The following CYP46A1 variants were observed in gnomAD, a reference collection of about 807,000 sequenced individuals.
The protein encoded by CYP46A1 is cytochrome P450 family 46 subfamily A member 1, also known as cholesterol 24-hydroxylase.
In CYP46A1, 20 loss-of-function variants were observed where a neutral mutation model predicts 63.3. That is an observed-to-expected ratio of 0.32 (90% confidence interval 0.22 to 0.46). The LOEUF (loss-of-function observed/expected upper bound fraction) is 0.46. Among genes scored for constraint, CYP46A1 ranks in the 20% least tolerant of loss-of-function variants. The pLI, the probability that CYP46A1 is intolerant of heterozygous loss-of-function variation, is 1.00. For missense variants in CYP46A1, 445 were observed against 670.8 expected, an observed-to-expected ratio of 0.66 and a Z score of 3.72; for synonymous variants, 268 against 273.6, an observed-to-expected ratio of 0.98 and a Z score of 0.20.
Position 99,707,619 on chromosome 14 carries a change from T to C in CYP46A1, c.634T>C (p.Ser212Pro). 1 of 1,614,084 alleles carries C rather than the reference T, an allele frequency of 6.2e-7. No individual in the cohort carries two copies. Among genetic ancestry groups the C allele is most frequent in the Non-Finnish European group, 8.5e-7 (1 of 1,179,986 alleles). The change falls in exon 7 of 15, where the codon TCC becomes CCC. Residue 212 changes from serine (S) to proline (P), a missense_variant. Physicochemically the swap from Ser to Pro is moderately conservative, Grantham distance 74. This residue lies in a region of CYP46A1 where 252 missense variants were observed against 383.3 expected (regional missense o/e 0.66). Transcript: ENST00000261835. ...GCTGCTGGGTGCCCAGAAGCCTCTG[T>C]CCCAGGCAGTGAAACTTATGTTGGA... ...SMLLGAQKPL[S>P]QAVKLMLEGI...
rs369360881 is a variant in CYP46A1, at chr14:99,696,185, T to C, written c.283-3281T>C. 5.4e-4 allele frequency among the ~76,000 whole-genome samples: 83 copies of C among 152,316 alleles called. 3 individuals carry two copies. The South Asian group carries it at 0.014, about 27-fold the overall frequency. ...GTTTGTTTTCTATTTGTCCCATCTG[T>C]TTTTTGTTCCCTTTTCCTCCTTTCC... On this transcript the variant is annotated intron_variant, in intron 3 of 14. Coordinates refer to ENST00000261835, the MANE Select transcript of CYP46A1 (RefSeq NM_006668.2).
chr14:99,689,521 C>T (rs552056640), intron 1 of CYP46A1, among the ~76,000 whole-genome samples: 1 of 152,276 alleles, frequency 6.6e-6, no homozygotes, highest in South Asian at 2.1e-4. Context: ...GTGGGCAGAG[C>T]CAGAGACGGC....
At chr14:99,707,545 C>T in intron 6 of CYP46A1, 23 bp from the exon 7 acceptor site, 2 of 1,606,312 alleles carry the variant, frequency 1.2e-6, no homozygotes, top group Non-Finnish European at 8.5e-7. Flanking sequence ...CCAGGGATGA[C>T]CTTGCCCTTC....
At chr14:99,710,760 T>C (rs182749248) in intron 7 of CYP46A1, 2 of 152,284 alleles carry the variant, frequency 1.3e-5, no homozygotes, top group East Asian at 3.9e-4. Context: ...GGACAGATCA[T>C]CTAGACAGAA....
chr14:99,684,759 G>A (rs889938212), intron 1 of CYP46A1: 7 of 634,260 alleles, frequency 1.1e-5, no homozygotes, highest in Admixed American at 4.2e-5. Flanking sequence ...CCACAAACGT[G>A]ATGGCAGCCA....
In CYP46A1 at chr14:99,706,672, T is replaced by C. The variant is rs2056679150; in HGVS notation, c.469T>C (p.Phe157Leu). 1 of 1,613,850 alleles carries C rather than the reference T, an allele frequency of 6.2e-7. No individual in the cohort carries two copies. The highest frequency in any genetic ancestry group is 8.5e-7 in the Non-Finnish European group (1 of 1,180,016). ...CTCCTTGGTTAGCTTAATGGAAACA[T>C]TCAACGAGAAGGCTGAGCAGCTGGT... ...RSSLVSLMET[F>L]NEKAEQLVEI... Residue 157 changes from phenylalanine (F) to leucine (L), a missense_variant, in exon 6 of 15, where the codon TTC (phenylalanine) becomes CTC (leucine). Phe to Leu is a conservative substitution (Grantham distance 22). Transcript: ENST00000261835.
intron 11 of CYP46A1, 120 bp from the exon 12 acceptor site, chr14:99,721,836 G>A (rs1566836538): frequency 4.2e-6 from 3 of 712,468 alleles, no homozygotes; most frequent in African/African-American, 1.8e-5. Flanking sequence ...CCCAGGCCAG[G>A]GTGAGGGTAT....
chr14:99,694,299 T>C (rs891518637), intron 3 of CYP46A1, among the ~76,000 whole-genome samples: 2 of 81,314 alleles, frequency 2.5e-5, no homozygotes, highest in Non-Finnish European at 6.1e-5. Flanking sequence ...TTCTTTCTTT[T>C]TTTTTTTTTA....
chr14:99,686,105 A>G (rs533202160), intron 1 of CYP46A1, among the ~76,000 whole-genome samples: 1 of 152,328 alleles, frequency 6.6e-6, no homozygotes, highest in African/African-American at 2.4e-5. Flanking sequence ...AGCACATTGT[A>G]CATGCATAGT....
chr14:99,715,320 C>G (rs2056778121), intron 7 of CYP46A1, among the ~76,000 whole-genome samples: 1 of 152,142 alleles, frequency 6.6e-6, no homozygotes, highest in Admixed American at 6.5e-5. Context: ...TGCTGCAGCT[C>G]CACATATCAC....
rs557629963 is a variant in CYP46A1, at chr14:99,684,772, G to A, written c.119+236G>A. 15 of 616,228 alleles carry A rather than the reference G, an allele frequency of 2.4e-5. No homozygotes were observed. The East Asian group carries it at 2.7e-4, about 11-fold the overall frequency. The allele number at this position is 616,228 out of a possible 1,614,324, so 38.2% of individuals were successfully genotyped here. On this transcript the variant is annotated intron_variant, in intron 1 of 14. Coordinates refer to ENST00000261835, the MANE Select transcript of CYP46A1 (RefSeq NM_006668.2). ...CCCCACAAACGTGATGGCAGCCACA[G>A]CCCTTTCAGGTAGGCGCTATTGTTA...
chr14:99,726,566 A>C lies in CYP46A1; in HGVS notation c.1342A>C (p.Lys448Gln), dbSNP rs761087218. The C allele has an allele frequency of 1.9e-6, 3 of 1,586,596 alleles. No homozygotes were observed. The highest frequency in any genetic ancestry group is 2.6e-6 in the Non-Finnish European group (3 of 1,167,786). The change falls in exon 15 of 15, where the codon AAG becomes CAG. Residue 448 changes from lysine to glutamine, a missense_variant. By Grantham distance (53) the Lys-to-Gln change is moderately conservative. Coordinates refer to ENST00000261835, the MANE Select transcript of CYP46A1 (RefSeq NM_006668.2). Reference sequence around the variant, plus strand: ...TGCCCGCTGGGCCCAGATGGAGGTGAAGGTGGTCATGGCAAAGCTGCTGCA... The same window carrying C: ...TGCCCGCTGGGCCCAGATGGAGGTGCAGGTGGTCATGGCAAAGCTGCTGCA... Reference protein sequence around the residue: ...IGQQFAQMEVKVVMAKLLQRL... With the variant: ...IGQQFAQMEVQVVMAKLLQRL...
rs369437782 is a variant in CYP46A1 at position 99,695,971 on chromosome 14, C to CT, written c.283-3489dup. Among the ~76,000 whole-genome samples the CT allele has an allele frequency of 3.7e-3, 556 of 152,154 alleles. 2 individuals carry two copies. Among genetic ancestry groups the CT allele is most frequent in the Middle Eastern group, 0.02 (6 of 294 alleles). On this transcript the variant is annotated intron_variant, in intron 3 of 14. Coordinates refer to ENST00000261835, the MANE Select transcript of CYP46A1 (RefSeq NM_006668.2). ...TTATGCTTAGTGTTGCATGTTATAT[C>CT]TTTTTTCTGTTATATTACTTTTAAC...
chr14:99,706,439 G>T, intron 5 of CYP46A1: 1 of 580,508 alleles, frequency 1.7e-6, no homozygotes, highest in Non-Finnish European at 3.0e-6. Flanking sequence ...CATCCATCCT[G>T]AGTGGAGGAG....
Position 99,700,055 on chromosome 14 carries a change from C to T in CYP46A1, c.397C>T (p.Arg133Cys). ...QGLVSECNYE[R>C]WHKQRRVIDL... ...CTTGGTGTCCGAATGCAACTATGAGCGCTGGCACAAGCAGCGGAGAGTCAT... is the reference window on the plus strand; with the variant it reads ...CTTGGTGTCCGAATGCAACTATGAGTGCTGGCACAAGCAGCGGAGAGTCAT... The change falls in exon 5 of 15, where the codon CGC becomes TGC. Residue 133 changes from arginine to cysteine, a missense_variant. Around this residue, in one of 4 missense-constraint regions of CYP46A1, gnomAD observed 252 missense variants for 383.3 expected, o/e 0.66. Transcript: ENST00000261835. 1.2e-6 allele frequency: 2 copies of T among 1,604,388 alleles called. No homozygotes were observed. Among genetic ancestry groups the T allele is most frequent in the Non-Finnish European group, 1.7e-6 (2 of 1,174,638 alleles).
At chr14:99,715,981 G>A in intron 8 of CYP46A1, 21 bp downstream of exon 8, 1 of 1,288,162 alleles carries the variant, frequency 7.8e-7, no homozygotes, top group Non-Finnish European at 1.1e-6. Flanking sequence ...CCCCTCTGCG[G>A]ACTGGGGAGG....
chr14:99,718,930 C>T (rs865950440), intron 10 of CYP46A1, among the ~76,000 whole-genome samples: 15 of 152,040 alleles, frequency 9.9e-5, no homozygotes, highest in Admixed American at 7.9e-4. Context: ...GCACCCCACC[C>T]ACCCAGCGGC....
In CYP46A1 at chr14:99,699,998, G is replaced by A. The variant is rs535589558; in HGVS notation, c.357-17G>A. The stretch of plus-strand genomic sequence containing the variant: ...CCCCCCACCCTCTTTCCCGCATCAC[G>A]TGTGTGTCTCCTACAGACTCTTCGG... On this transcript the variant is annotated splice_polypyrimidine_tract_variant and intron_variant, in intron 4 of 14. Coordinates refer to ENST00000261835, the MANE Select transcript of CYP46A1 (RefSeq NM_006668.2). The A allele has an allele frequency of 1.8e-5, 27 of 1,468,090 alleles. No individual in the cohort carries two copies. The highest frequency in any genetic ancestry group is 7.6e-5 in the South Asian group (6 of 78,654). The allele number at this position is 1,468,090 out of a possible 1,614,324, so 90.9% of individuals were successfully genotyped here. A position where few individuals can be genotyped will look rare whatever the true frequency, so the allele number is the denominator to read the frequency against.
At position 99,725,556 on chromosome 14, in the gene CYP46A1, G is replaced by A. The variant is rs1197348901; in HGVS notation, c.1265+77G>A. 2.7e-5 allele frequency: 29 copies of A among 1,090,760 alleles called. No homozygotes were observed. The highest frequency in any genetic ancestry group is 8.9e-5 in the South Asian group (7 of 78,638). 67.6% of individuals were successfully genotyped at this position (1,090,760 alleles called of 1,614,324 possible). ...ACACAGCGGCCTCTGGTCTGAGCCA[G>A]AGGCACCCACTCAGCCCACATAGCC... On this transcript the variant is annotated intron_variant, in intron 13 of 14. Transcript: ENST00000261835. This position sits in a 1 kb window ranked among gnomAD's most constrained non-coding sequence, Gnocchi z 4.2.
Sources: allele counts gnomAD v4.1 joint callset (sites outside exome capture counted in the v4.1 genomes callset), GRCh38; gene constraint gnomAD v4.1.1; regional missense constraint gnomAD v4.1.1; non-coding constraint Gnocchi (gnomAD v3.1); transcripts MANE v1.5; gene names NCBI Gene and HGNC (gene_info 2026-07-23, HGNC 2026-07-21).